SH3GL2: variants seen among roughly 807,000 people sequenced by gnomAD.
SH3GL2 encodes the protein endophilin-A1.
Under a neutral mutation model 46.0 loss-of-function variants are expected in SH3GL2, and 24 were observed. That is an observed-to-expected ratio of 0.52 (90% CI 0.38 to 0.73). The LOEUF (loss-of-function observed/expected upper bound fraction) is 0.73. SH3GL2 is among the 30% of genes least tolerant of loss of function. The pLI, the probability that SH3GL2 is intolerant of heterozygous loss-of-function variation, is 0.00. For missense variants in SH3GL2, 413 were observed against 424.2 expected, an observed-to-expected ratio of 0.97 and a Z score of 0.23; for synonymous variants, 196 against 147.1, an observed-to-expected ratio of 1.33 and a Z score of -2.40.
chr9:17,704,885 C>T (rs1046222056), intron 1 of SH3GL2, among the ~76,000 whole-genome samples: 16 of 152,000 alleles, frequency 1.1e-4, no homozygotes, highest in Non-Finnish European at 2.2e-4. Flanking sequence ...GCAAAGATTT[C>T]ATGACGAAAA....
intron 1 of SH3GL2, among the ~76,000 whole-genome samples, chr9:17,671,626 A>G (rs1337779486): frequency 1.3e-5 from 2 of 152,192 alleles, no homozygotes; most frequent in Non-Finnish European, 2.9e-5. Context: ...TTATGTACCT[A>G]CAAAACTAAA....
intron 1 of SH3GL2, among the ~76,000 whole-genome samples, chr9:17,738,764 C>T (rs1476119691): frequency 6.6e-6 from 1 of 151,656 alleles, no homozygotes; most frequent in African/African-American, 2.4e-5. Context: ...AACTCTTGCT[C>T]AGAAGCTGAT....
intron 2 of SH3GL2, among the ~76,000 whole-genome samples, chr9:17,758,555 C>G (rs748675917): frequency 5.8e-5 from 2 of 34,204 alleles, no homozygotes; most frequent in Admixed American, 9.4e-4. Flanking sequence ...GAGTAAGACC[C>G]TGTCTCAAAA....
chr9:17,627,918 G>C (rs541590445), intron 1 of SH3GL2, among the ~76,000 whole-genome samples: 3 of 152,306 alleles, frequency 2.0e-5, no homozygotes, highest in Admixed American at 6.5e-5. Flanking sequence ...CCTCCTCTCT[G>C]TTGTGTTTTA....
chr9:17,746,232 C>T (rs544456405), intron 1 of SH3GL2, among the ~76,000 whole-genome samples: 5 of 152,220 alleles, frequency 3.3e-5, no homozygotes, highest in East Asian at 1.9e-4. Context: ...CCCGCCACCA[C>T]GCCCAGCTAA....
At chr9:17,668,714 T>A (rs1820401732) in intron 1 of SH3GL2, among the ~76,000 whole-genome samples, 1 of 152,160 alleles carries the variant, frequency 6.6e-6, no homozygotes, top group South Asian at 2.1e-4. Context: ...TGGAGTGCAG[T>A]GGCACAATCG....
intron 3 of SH3GL2, among the ~76,000 whole-genome samples, chr9:17,775,788 ACAGT>A (rs1004800225): frequency 2.6e-5 from 4 of 152,116 alleles, no homozygotes; most frequent in African/African-American, 9.7e-5. Context: ...GTTTCCCCCA[ACAGT>A]CAGAACATAA....
At position 17,634,156 on chromosome 9, in the gene SH3GL2, T is replaced by TG. The variant is rs147589651; in HGVS notation, c.45+54869_45+54870insG. On this transcript the variant is annotated intron_variant, in intron 1 of 8. Coordinates refer to ENST00000380607, the MANE Select transcript of SH3GL2 (RefSeq NM_003026.5). ...TCATCTGTACGGTGGAGACCACTGGTACCCTCAGGTGGCTGTGGAGGTTGC... is the reference window on the plus strand; with the variant it reads ...TCATCTGTACGGTGGAGACCACTGGTGACCCTCAGGTGGCTGTGGAGGTTGC... 7.6e-3 allele frequency among the ~76,000 whole-genome samples: 1,157 copies of TG among 152,264 alleles called. 22 individuals carry two copies. Among genetic ancestry groups the TG allele is most frequent in the African/African-American group, 0.026 (1,082 of 41,518 alleles).
chr9:17,598,686 A>G (rs934988945), intron 1 of SH3GL2, among the ~76,000 whole-genome samples: 1 of 152,062 alleles, frequency 6.6e-6, no homozygotes. Context: ...TACATTCACC[A>G]TGGTTTGTGA....
chr9:17,721,985 G>A (rs892335088), intron 1 of SH3GL2, among the ~76,000 whole-genome samples: 3 of 152,066 alleles, frequency 2.0e-5, no homozygotes, highest in Non-Finnish European at 4.4e-5. Flanking sequence ...GATAGTTAAC[G>A]CTGGTGCCTG....
At chr9:17,692,776 T>G (rs555300601) in intron 1 of SH3GL2, among the ~76,000 whole-genome samples, 41 of 152,236 alleles carry the variant, frequency 2.7e-4, no homozygotes, top group South Asian at 6.2e-4. Flanking sequence ...TGCTTGAAAC[T>G]AGGAACAAAG....
chr9:17,652,929 T>G (rs1369831338), intron 1 of SH3GL2, among the ~76,000 whole-genome samples: 1 of 152,154 alleles, frequency 6.6e-6, no homozygotes, highest in African/African-American at 2.4e-5. Context: ...CTACAGCATT[T>G]CCTGTAGGTA....
intron 1 of SH3GL2, among the ~76,000 whole-genome samples, chr9:17,670,899 C>T (rs1356306915): frequency 6.6e-6 from 1 of 152,184 alleles, no homozygotes; most frequent in Non-Finnish European, 1.5e-5. Flanking sequence ...GGCCTTGCCC[C>T]AGAGACTTTA....
intron 1 of SH3GL2, among the ~76,000 whole-genome samples, chr9:17,706,389 C>T (rs1205530396): frequency 6.6e-6 from 1 of 152,068 alleles, no homozygotes; most frequent in African/African-American, 2.4e-5. Context: ...CTCCACATTG[C>T]CTGTGATGCT....
At chr9:17,582,341 A>G (rs2134532926) in intron 1 of SH3GL2, among the ~76,000 whole-genome samples, 1 of 152,334 alleles carries the variant, frequency 6.6e-6, no homozygotes, top group African/African-American at 2.4e-5. Flanking sequence ...GATATAATTT[A>G]CTGTATAATT....
chr9:17,719,709 C>T (rs28502246), intron 1 of SH3GL2, among the ~76,000 whole-genome samples: 13,423 of 151,298 alleles, frequency 0.089, 1,210 homozygotes, highest in African/African-American at 0.23. Flanking sequence ...GGGAGGATCC[C>T]TTGAGCCCAG....
intron 1 of SH3GL2, among the ~76,000 whole-genome samples, chr9:17,583,422 A>G (rs1026499206): frequency 1.3e-5 from 2 of 152,126 alleles, no homozygotes; most frequent in African/African-American, 4.8e-5. Context: ...TGAAGGGGTC[A>G]CCCTGTCCCC....
At chr9:17,636,905 G>A (rs749514449) in intron 1 of SH3GL2, among the ~76,000 whole-genome samples, 2 of 152,168 alleles carry the variant, frequency 1.3e-5, no homozygotes, top group Non-Finnish European at 2.9e-5. Context: ...TGATCCTAGT[G>A]TGTTGGATAC....
rs543396773 is a variant in SH3GL2, at chr9:17,766,108, C to T, written c.187+4599C>T. The stretch of plus-strand genomic sequence containing the variant: ...AAGACTGGAGGCTTGTCCTCTGGAA[C>T]CTCACAGTCTTAGTGTAAGTTACAC... On this transcript the variant is annotated intron_variant, in intron 3 of 8. Coordinates refer to ENST00000380607, the MANE Select transcript of SH3GL2 (RefSeq NM_003026.5). Among the ~76,000 whole-genome samples, 4 of 152,310 alleles carry T rather than the reference C, an allele frequency of 2.6e-5. 1 individual carries two copies. Among genetic ancestry groups the T allele is most frequent in the African/African-American group, 9.6e-5 (4 of 41,564 alleles).
Sources: gnomAD v4.1 joint callset for allele counts (sites outside exome capture counted in the v4.1 genomes callset) on GRCh38, gnomAD v4.1.1 for gene constraint, MANE v1.5 for transcripts, NCBI Gene and HGNC (gene_info 2026-07-23, HGNC 2026-07-21) for gene names.